MARCHF1: variants seen among roughly 807,000 people sequenced by gnomAD.
The protein encoded by MARCHF1 is E3 ubiquitin-protein ligase MARCHF1.
Under a neutral mutation model 54.2 loss-of-function variants are expected in MARCHF1, and 40 were observed. That is an observed-to-expected ratio of 0.74 (90% CI 0.57 to 0.96). The LOEUF is 0.96. Among genes scored for constraint, MARCHF1 ranks in the 40% least tolerant of loss-of-function variants. The pLI is 0.00. For synonymous variants in MARCHF1, 236 were observed against 236.3 expected (o/e 1.00, Z 0.01); for missense variants, 586 against 656.5 (o/e 0.89, Z 1.17).
intron 5 of MARCHF1, among the ~76,000 whole-genome samples, chr4:163,670,244 T>C (rs909686655): frequency 2.0e-5 from 3 of 152,098 alleles, no homozygotes; most frequent in Middle Eastern, 6.8e-3. Context: ...ACATAAAAAC[T>C]AGAAACCAGG....
At chr4:163,638,313 T>G (rs991067357) in intron 5 of MARCHF1, among the ~76,000 whole-genome samples, 4 of 151,554 alleles carry the variant, frequency 2.6e-5, no homozygotes, top group African/African-American at 9.7e-5. Flanking sequence ...GAAAAACGTA[T>G]GGATCATGGG....
intron 1 of MARCHF1, among the ~76,000 whole-genome samples, chr4:164,198,805 T>A (rs1731357511): frequency 6.6e-6 from 1 of 152,116 alleles, no homozygotes; most frequent in African/African-American, 2.4e-5. Context: ...CTATGTCCCA[T>A]AAGCAAAAGA....
intron 2 of MARCHF1, among the ~76,000 whole-genome samples, chr4:164,056,612 G>A (rs1253879576): frequency 6.6e-6 from 1 of 152,152 alleles, no homozygotes; most frequent in African/African-American, 2.4e-5. Context: ...TGTTCATTTA[G>A]ATTAATAGAT....
chr4:164,026,945 G>A (rs982121444), intron 2 of MARCHF1, among the ~76,000 whole-genome samples: 3 of 151,850 alleles, frequency 2.0e-5, no homozygotes, highest in Non-Finnish European at 4.4e-5. Flanking sequence ...CACTAATCAT[G>A]GTCAAGCTGA....
At chr4:164,276,214 A>C (rs556578603) in intron 1 of MARCHF1, among the ~76,000 whole-genome samples, 2 of 152,254 alleles carry the variant, frequency 1.3e-5, no homozygotes, top group South Asian at 4.1e-4. Flanking sequence ...AATATGTTGA[A>C]GTTTTTATCT....
intron 2 of MARCHF1, among the ~76,000 whole-genome samples, chr4:164,025,876 T>C (rs1753757373): frequency 6.6e-6 from 1 of 151,794 alleles, no homozygotes; most frequent in African/African-American, 2.4e-5. Context: ...CAATGAAAAA[T>C]GGCAAGGATG....
chr4:163,710,101 A>T (rs996736882), intron 4 of MARCHF1, among the ~76,000 whole-genome samples: 1 of 152,134 alleles, frequency 6.6e-6, no homozygotes, highest in Non-Finnish European at 1.5e-5. Flanking sequence ...TAATCTCTTT[A>T]TCTAACTTCA....
intron 2 of MARCHF1, among the ~76,000 whole-genome samples, chr4:164,072,650 AT>A (rs1754892508): frequency 6.6e-6 from 1 of 151,770 alleles, no homozygotes; most frequent in Non-Finnish European, 1.5e-5. Flanking sequence ...AATTTAAAAC[AT>A]TATCCCCTTT....
intron 2 of MARCHF1, among the ~76,000 whole-genome samples, chr4:164,005,216 A>C (rs553633672): frequency 2.3e-4 from 35 of 152,234 alleles, no homozygotes; most frequent in African/African-American, 8.2e-4. Context: ...AAAATATTTA[A>C]ATTTCTTTAA....
chr4:163,928,736 ACAAT>A (rs1261937830), intron 3 of MARCHF1, among the ~76,000 whole-genome samples: 2 of 152,176 alleles, frequency 1.3e-5, no homozygotes, highest in Middle Eastern at 3.4e-3. Context: ...TTGTAAAGTA[ACAAT>A]CAAGGAAAAT....
Position 164,020,007 on chromosome 4 carries a change from G to T in MARCHF1, c.-247-31298C>A, listed in dbSNP as rs147856657. ...CAAAAGTCCTCCCATATTGTTTTTG[G>T]CAGTGGAAGCAGTTCATCTCCTTTA... On this transcript the variant is annotated intron_variant, in intron 2 of 9. Coordinates refer to ENST00000514618, the MANE Select transcript of MARCHF1 (RefSeq NM_001394959.1). 1.2e-3 allele frequency among the ~76,000 whole-genome samples: 184 copies of T among 152,250 alleles called. 1 individual carries two copies. The highest frequency in any genetic ancestry group is 3.8e-3 in the African/African-American group (159 of 41,548).
chr4:163,951,343 G>A (rs1178661121), intron 3 of MARCHF1, among the ~76,000 whole-genome samples: 8 of 152,018 alleles, frequency 5.3e-5, no homozygotes, highest in Admixed American at 3.9e-4. Flanking sequence ...ATGTAACTAC[G>A]AACACAGGTG....
chr4:164,032,905 T>C (rs893228336), intron 2 of MARCHF1, among the ~76,000 whole-genome samples: 16 of 152,118 alleles, frequency 1.1e-4, no homozygotes, highest in Non-Finnish European at 2.2e-4. Flanking sequence ...CTTCAAACTA[T>C]ACTACAAGTC....
At chr4:164,022,729 C>T (rs530501071) in intron 2 of MARCHF1, among the ~76,000 whole-genome samples, 10 of 152,332 alleles carry the variant, frequency 6.6e-5, no homozygotes, top group African/African-American at 2.2e-4. Flanking sequence ...TCCCCATCTC[C>T]GTCCAAGTAT....
intron 2 of MARCHF1, among the ~76,000 whole-genome samples, chr4:164,078,982 T>C (rs561462358): frequency 4.6e-5 from 7 of 152,148 alleles, no homozygotes; most frequent in Non-Finnish European, 1.0e-4. Context: ...CTCTCAAAAC[T>C]CTTAACAATC....
At chr4:163,536,101 G>C (rs368718168) in intron 9 of MARCHF1, among the ~76,000 whole-genome samples, 10 of 152,190 alleles carry the variant, frequency 6.6e-5, no homozygotes, top group African/African-American at 2.2e-4. Context: ...TTGCAGAAAG[G>C]ATTTGGAATA....
chr4:163,644,901 C>A (rs1388619831), intron 5 of MARCHF1, among the ~76,000 whole-genome samples: 1 of 152,160 alleles, frequency 6.6e-6, no homozygotes, highest in Non-Finnish European at 1.5e-5. Flanking sequence ...TAAGAGCAGA[C>A]TTACCTTCAC....
chr4:163,570,871 C>A (rs536820705), intron 8 of MARCHF1, among the ~76,000 whole-genome samples: 29 of 152,168 alleles, frequency 1.9e-4, no homozygotes, highest in Admixed American at 7.9e-4. Context: ...CTTACCATAT[C>A]CCTCAGTACT....
At chr4:164,249,989 C>G (rs961395700) in intron 1 of MARCHF1, among the ~76,000 whole-genome samples, 4 of 152,078 alleles carry the variant, frequency 2.6e-5, no homozygotes. Context: ...CTGGTTTTAT[C>G]CTATTTAACC....
Sources: allele counts gnomAD v4.1 joint callset (sites outside exome capture counted in the v4.1 genomes callset), GRCh38; gene constraint gnomAD v4.1.1; transcripts MANE v1.5; gene names NCBI Gene and HGNC (gene_info 2026-07-23, HGNC 2026-07-21).